KIF26A: variants seen among roughly 807,000 people sequenced by gnomAD.
KIF26A encodes kinesin family member 26A, also known as kinesin-like protein KIF26A.
A neutral mutation model predicts 126.0 loss-of-function variants in KIF26A; 74 were observed. That is an observed-to-expected ratio of 0.59 (90% CI 0.49 to 0.71). The LOEUF is 0.71. Ranked by LOEUF, KIF26A falls within the 30% of genes least tolerant of loss-of-function variation. KIF26A has a pLI of 0.00. For missense variants in KIF26A, 2,984 were observed against 2,763.3 expected, an observed-to-expected ratio of 1.08 and a Z score of -1.79; for synonymous variants, 1,445 against 1,232.7, an observed-to-expected ratio of 1.17 and a Z score of -3.61.
At chr14:104,163,091 C>CGTGGG (rs2037848240) in intron 4 of KIF26A, among the ~76,000 whole-genome samples, 1 of 152,054 alleles carries the variant, frequency 6.6e-6, no homozygotes, top group Non-Finnish European at 1.5e-5. Flanking sequence ...AACCCAAGGT[C>CGTGGG]GTGGGGTGGG....
Position 104,175,814 on chromosome 14 carries a change from C to G in KIF26A, c.3026C>G (p.Pro1009Arg). 1 of 1,538,862 alleles carries G rather than the reference C, an allele frequency of 6.5e-7. No homozygotes were observed. Among genetic ancestry groups the G allele is most frequent in the Non-Finnish European group, 8.7e-7 (1 of 1,146,926 alleles). The change falls in exon 12 of 15, where the codon CCG (proline) becomes CGG (arginine). Residue 1009 changes from proline (P) to arginine (R), a missense_variant. Coordinates refer to ENST00000423312, the MANE Select transcript of KIF26A (RefSeq NM_015656.2). ...CPRLAAGSRC[P>R]ERGLLTTTVT... is the part of the protein sequence containing the mutation. Reference sequence around the variant, plus strand: ...CGCCTGGCTGCTGGCAGTCGCTGTCCGGAGCGGGGCCTGCTCACCACCACA... The same window carrying G: ...CGCCTGGCTGCTGGCAGTCGCTGTCGGGAGCGGGGCCTGCTCACCACCACA...
Position 104,180,540 on chromosome 14 carries a change from C to T in KIF26A, c.*750C>T, listed in dbSNP as rs942523845. Reference sequence around the variant, plus strand: ...GGTTTTGTAAAGGTTCTGTTAGGTTCATATTTTTATATCATTTTGCCCATA... The same window carrying T: ...GGTTTTGTAAAGGTTCTGTTAGGTTTATATTTTTATATCATTTTGCCCATA... On this transcript the variant is annotated 3_prime_UTR_variant, in exon 15 of 15. Coordinates refer to ENST00000423312, the MANE Select transcript of KIF26A (RefSeq NM_015656.2). 5 of 152,428 alleles carry T rather than the reference C, an allele frequency of 3.3e-5. No homozygotes were observed. Among genetic ancestry groups the T allele is most frequent in the African/African-American group, 1.2e-4 (5 of 41,440 alleles). The allele number at this position is 152,428 out of a possible 1,614,324, so 9.4% of individuals were successfully genotyped here.
At chr14:104,143,076 T>C (rs12886129) in intron 2 of KIF26A, among the ~76,000 whole-genome samples, 48,179 of 152,166 alleles carry the variant, frequency 0.32, 8,193 homozygotes, top group Middle Eastern at 0.45. Context: ...CCGTGACATT[T>C]GAAGCGTCAG....
At position 104,175,984 on chromosome 14, in the gene KIF26A, C is replaced by G. The variant is rs1321157011; in HGVS notation, c.3196C>G (p.Leu1066Val). The G allele has an allele frequency of 1.9e-6, 3 of 1,579,594 alleles. No homozygotes were observed. Among genetic ancestry groups the G allele is most frequent in the Non-Finnish European group, 1.7e-6 (2 of 1,169,494 alleles). ...SFDSDCSLRA[L>V]ASGSRPVSII... ...CGACAGTGACTGCTCCCTGCGGGCC[C>G]TGGCCTCGGGGTCCCGGCCAGTCAG... The change falls in exon 12 of 15, where the codon CTG becomes GTG. Residue 1066 changes from leucine to valine, a missense_variant. Leu to Val is a conservative substitution (Grantham distance 32). Coordinates refer to ENST00000423312, the MANE Select transcript of KIF26A (RefSeq NM_015656.2).
chr14:104,179,264 G>A lies in KIF26A; in HGVS notation c.5345G>A (p.Arg1782Gln), dbSNP rs568861477. The A allele has an allele frequency of 1.2e-4, 190 of 1,524,102 alleles. No individual in the cohort carries two copies. Among genetic ancestry groups the A allele is most frequent in the African/African-American group, 3.0e-4 (22 of 72,586 alleles). 94.4% of individuals were successfully genotyped at this position (1,524,102 alleles called of 1,614,324 possible). A position where few individuals can be genotyped will look rare whatever the true frequency, so the allele number is the denominator to read the frequency against. ...CTGGCGTGCGTCAGTACAAGGCTGC[G>A]GCTGGCGGAGCGCAGGCAGCAGCGG... ...QGLACVSTRL[R>Q]LAERRQQRLR... Residue 1782 changes from arginine (R) to glutamine (Q), a missense_variant, in exon 14 of 15, where the codon CGG (arginine) becomes CAG (glutamine). Arg to Gln is a conservative substitution (Grantham distance 43). Coordinates refer to ENST00000423312, the MANE Select transcript of KIF26A (RefSeq NM_015656.2).
chr14:104,147,069 C>T (rs1460656045), intron 2 of KIF26A, among the ~76,000 whole-genome samples: 5 of 152,076 alleles, frequency 3.3e-5, no homozygotes, highest in Non-Finnish European at 5.9e-5. Flanking sequence ...CTTGGTTCAC[C>T]CGGTGACTGC....
intron 2 of KIF26A, among the ~76,000 whole-genome samples, chr14:104,141,578 G>T (rs966565341): frequency 1.3e-5 from 2 of 150,830 alleles, no homozygotes; most frequent in East Asian, 4.0e-4. Flanking sequence ...CCGTTGTAGA[G>T]GGAGGCGTAG....
intron 4 of KIF26A, among the ~76,000 whole-genome samples, chr14:104,166,619 T>C (rs1946356549): frequency 6.6e-6 from 1 of 152,122 alleles, no homozygotes; most frequent in South Asian, 2.1e-4. Flanking sequence ...GTCTGGACCC[T>C]GTCACAAGCT....
intron 2 of KIF26A, among the ~76,000 whole-genome samples, chr14:104,150,879 G>T (rs939540262): frequency 3.9e-5 from 6 of 152,178 alleles, no homozygotes; most frequent in African/African-American, 1.4e-4. Context: ...GCGCTGGGCT[G>T]GTGCTGTCCT....
rs770701965 is a variant in KIF26A, at chr14:104,148,400, T to TA, written c.289-3614dup. Among the ~76,000 whole-genome samples, 85 of 152,136 alleles carry TA rather than the reference T, an allele frequency of 5.6e-4. No homozygotes were observed. Among genetic ancestry groups the TA allele is most frequent in the Non-Finnish European group, 9.6e-4 (65 of 68,024 alleles). Reference sequence around the variant, plus strand: ...AAGTCATATTTCGCAGTGGAGTAATTACTGTCTTCCTCAAGACACCAGGCT... The same window carrying TA: ...AAGTCATATTTCGCAGTGGAGTAATTAACTGTCTTCCTCAAGACACCAGGCT... On this transcript the variant is annotated intron_variant, in intron 2 of 14. Transcript: ENST00000423312. The surrounding 1 kb of genome is among the most constrained non-coding windows in gnomAD (Gnocchi z 4.3).
rs2038025694 is a variant in KIF26A at position 104,176,270 on chromosome 14, T to C, written c.3482T>C (p.Leu1161Pro). 1 of 1,595,374 alleles carries C rather than the reference T, an allele frequency of 6.3e-7. No individual in the cohort carries two copies. The highest frequency in any genetic ancestry group is 8.5e-7 in the Non-Finnish European group (1 of 1,170,860). ...GSLGDGSSGF[L>P]GPDRPDSPGP... Reference sequence around the variant, plus strand: ...CTGGGGGATGGAAGCTCTGGGTTCCTGGGGCCAGACAGACCTGACAGTCCT... The same window carrying C: ...CTGGGGGATGGAAGCTCTGGGTTCCCGGGGCCAGACAGACCTGACAGTCCT... The change falls in exon 12 of 15, where the codon CTG (leucine) becomes CCG (proline). Residue 1161 changes from leucine to proline, a missense_variant. Transcript: ENST00000423312.
At chr14:104,160,685 G>T (rs1288571392) in intron 4 of KIF26A, among the ~76,000 whole-genome samples, 1 of 152,178 alleles carries the variant, frequency 6.6e-6, no homozygotes, top group Non-Finnish European at 1.5e-5. Flanking sequence ...GAAGGTTCTG[G>T]CAACTCTGAT....
chr14:104,152,960 G>A lies in KIF26A; in HGVS notation c.735+499G>A, dbSNP rs994388802. Reference sequence around the variant, plus strand: ...CACCCTGGGGGCAGAGGGACATGTGGGTGGCTGTGAAGAGCCGTGTTTCTG... The same window carrying A: ...CACCCTGGGGGCAGAGGGACATGTGAGTGGCTGTGAAGAGCCGTGTTTCTG... On this transcript the variant is annotated intron_variant, in intron 3 of 14. Transcript: ENST00000423312. The surrounding 1 kb of genome is among the most constrained non-coding windows in gnomAD (Gnocchi z 5.9). Among the ~76,000 whole-genome samples, 2 of 152,166 alleles carry A rather than the reference G, an allele frequency of 1.3e-5. No homozygotes were observed. The highest frequency in any genetic ancestry group is 3.9e-4 in the East Asian group (2 of 5,192).
Position 104,178,552 on chromosome 14 carries a change from C to T in KIF26A, c.5113C>T (p.Leu1705=), listed in dbSNP as rs1451745395. The T allele has an allele frequency of 1.4e-6, 2 of 1,464,452 alleles. No homozygotes were observed. Among genetic ancestry groups the T allele is most frequent in the East Asian group, 5.1e-5 (2 of 38,912 alleles). The allele number at this position is 1,464,452 out of a possible 1,614,324, so 90.7% of individuals were successfully genotyped here. A position where few individuals can be genotyped will look rare whatever the true frequency, so the allele number is the denominator to read the frequency against. Reference sequence around the variant, plus strand: ...CTGTGCCCGGCTCTCCGTTCCAGGTCTGCAGCGGCGGCGCCTGATTCCCGC... The same window carrying T: ...CTGTGCCCGGCTCTCCGTTCCAGGTTTGCAGCGGCGGCGCCTGATTCCCGC... The part of the protein sequence containing the change: ...LKSPKKRATG[L]QRRRLIPAPL... Residue 1705 remains leucine, a splice_region_variant and synonymous_variant, in exon 13 of 15, where the codon CTG becomes TTG. Coordinates refer to ENST00000423312, the MANE Select transcript of KIF26A (RefSeq NM_015656.2).
intron 4 of KIF26A, among the ~76,000 whole-genome samples, chr14:104,162,961 G>T (rs1379207547): frequency 6.6e-6 from 1 of 152,196 alleles, no homozygotes; most frequent in Non-Finnish European, 1.5e-5. Flanking sequence ...CAGCCTTGGA[G>T]CAGCACCAGG....
At chr14:104,158,080 C>T in intron 4 of KIF26A, 138 bp downstream of exon 4, 9 of 830,910 alleles carry the variant, frequency 1.1e-5, no homozygotes, top group South Asian at 2.5e-5. Context: ...GGAGCTGCTC[C>T]GACCACAGCT....
chr14:104,145,755 G>A lies in KIF26A; in HGVS notation c.289-6260G>A, dbSNP rs574160991. ...TGCCCTCAAAACCCTCACCCCTGCCGCCAACGTGGCCTCCACAAAGCCCTC... is the reference window on the plus strand; with the variant it reads ...TGCCCTCAAAACCCTCACCCCTGCCACCAACGTGGCCTCCACAAAGCCCTC... On this transcript the variant is annotated intron_variant, in intron 2 of 14. Coordinates refer to ENST00000423312, the MANE Select transcript of KIF26A (RefSeq NM_015656.2). 9.9e-5 allele frequency among the ~76,000 whole-genome samples: 15 copies of A among 152,248 alleles called. No homozygotes were observed. In the South Asian group the frequency reaches 2.5e-3, roughly 25 times the overall value.
At chr14:104,179,204 A>C (rs938186783) in intron 13 of KIF26A, 32 bp from the exon 14 acceptor site, 14 of 1,430,800 alleles carry the variant, frequency 9.8e-6, no homozygotes, top group Non-Finnish European at 1.2e-5. Context: ...AGAGGGTCCC[A>C]TGCCTGAGCC....
intron 4 of KIF26A, among the ~76,000 whole-genome samples, chr14:104,164,436 T>C (rs1196616143): frequency 1.3e-5 from 2 of 151,988 alleles, no homozygotes; most frequent in African/African-American, 4.8e-5. Context: ...GGCGTCCTGG[T>C]GTCCCTGTGC....
Sources: gnomAD v4.1 joint callset for allele counts (sites outside exome capture counted in the v4.1 genomes callset) on GRCh38, gnomAD v4.1.1 for gene constraint, Gnocchi (gnomAD v3.1) non-coding constraint, MANE v1.5 for transcripts, NCBI Gene and HGNC (gene_info 2026-07-23, HGNC 2026-07-21) for gene names.